The following KAT6A variants were observed in gnomAD, a reference collection of about 807,000 sequenced individuals.
KAT6A encodes the protein histone acetyltransferase KAT6A.
Under a neutral mutation model 198.4 loss-of-function variants are expected in KAT6A, and 9 were observed. The ratio of observed to expected loss-of-function variants is 0.05; its 90% CI spans 0.03 to 0.08. KAT6A has a LOEUF of 0.08. KAT6A is among the 10% of genes least tolerant of loss of function. KAT6A has a pLI of 1.00. For synonymous variants in KAT6A, 890 were observed against 883.0 expected, an observed-to-expected ratio of 1.01 and a Z score of -0.14; for missense variants, 2,077 against 2,509.9, an observed-to-expected ratio of 0.83 and a Z score of 3.69.
chr8:41,999,446 T>TCAC (rs1825377746), intron 2 of KAT6A, among the ~76,000 whole-genome samples: 1 of 152,192 alleles, frequency 6.6e-6, no homozygotes, highest in African/African-American at 2.4e-5. Flanking sequence ...CTCAGTCATG[T>TCAC]CACCATATGC....
At chr8:41,990,470 T>C (rs1223614846) in intron 2 of KAT6A, among the ~76,000 whole-genome samples, 1 of 151,998 alleles carries the variant, frequency 6.6e-6, no homozygotes, top group Non-Finnish European at 1.5e-5. Flanking sequence ...AACCAACAAA[T>C]GGCCCATATC....
chr8:41,944,533 T>C (rs1035064064), intron 12 of KAT6A, among the ~76,000 whole-genome samples: 2 of 152,212 alleles, frequency 1.3e-5, no homozygotes, highest in East Asian at 3.9e-4. Flanking sequence ...TGCACAACTC[T>C]CAAGAACTGA....
In KAT6A at chr8:41,932,647, C is replaced by T. The variant is rs572974007; in HGVS notation, c.5573G>A (p.Arg1858His). The change falls in exon 17 of 17, where the codon CGC becomes CAC. Residue 1858 changes from arginine to histidine, a missense_variant. Around this residue, in one of 13 missense-constraint regions of KAT6A, gnomAD observed 500 missense variants for 577.2 expected, o/e 0.87. Coordinates refer to ENST00000265713, the MANE Select transcript of KAT6A (RefSeq NM_006766.5). Reference protein sequence around the residue: ...QMPVKGHISIRSKSAPLPSAA... With the variant: ...QMPVKGHISIHSKSAPLPSAA... ...AGAGGGCAGTGGCGCAGACTTGGAG[C>T]GGATGGAAATGTGCCCCTTCACTGG... The T allele has an allele frequency of 1.2e-5, 20 of 1,614,052 alleles. No homozygotes were observed. Among genetic ancestry groups the T allele is most frequent in the East Asian group, 2.2e-5 (1 of 44,896 alleles).
At chr8:41,967,189 A>C (rs1823536404) in intron 8 of KAT6A, among the ~76,000 whole-genome samples, 2 of 152,198 alleles carry the variant, frequency 1.3e-5, no homozygotes, top group South Asian at 4.1e-4. Context: ...TTTATGTAAA[A>C]ATCATTCTAT....
At chr8:41,977,858 C>T (rs1394554640) in intron 6 of KAT6A, among the ~76,000 whole-genome samples, 2 of 152,172 alleles carry the variant, frequency 1.3e-5, no homozygotes, top group Admixed American at 1.3e-4. Flanking sequence ...AATATTGGTT[C>T]TGTACATTTC....
At chr8:42,008,103 A>G (rs1357653593) in intron 2 of KAT6A, among the ~76,000 whole-genome samples, 1 of 152,146 alleles carries the variant, frequency 6.6e-6, no homozygotes, top group African/African-American at 2.4e-5. Context: ...CTTTAACTAC[A>G]TAAAACAAAC....
intron 2 of KAT6A, among the ~76,000 whole-genome samples, chr8:42,013,162 A>G (rs1826100781): frequency 1.3e-5 from 2 of 151,994 alleles, no homozygotes; most frequent in African/African-American, 4.8e-5. Flanking sequence ...AAAACTCATA[A>G]AAGTAGACAC....
chr8:41,974,681 C>T (rs1033398353), intron 8 of KAT6A, 23 bp downstream of exon 8: 3 of 1,450,130 alleles, frequency 2.1e-6, no homozygotes, highest in Non-Finnish European at 2.9e-6. Flanking sequence ...GCTTGATTGT[C>T]TAACCTGAAT....
intron 9 of KAT6A, among the ~76,000 whole-genome samples, chr8:41,951,287 T>G (rs1393629541): frequency 1.3e-5 from 2 of 151,968 alleles, no homozygotes; most frequent in Admixed American, 6.6e-5. Flanking sequence ...TTTTAAAAGC[T>G]CCTTACTTTA....
intron 2 of KAT6A, among the ~76,000 whole-genome samples, chr8:41,989,168 G>A (rs1824779335): frequency 6.6e-6 from 1 of 152,110 alleles, no homozygotes; most frequent in South Asian, 2.1e-4. Flanking sequence ...TACACAATCA[G>A]GTTTGGGAAG....
chr8:41,992,533 T>G (rs1824997322), intron 2 of KAT6A, among the ~76,000 whole-genome samples: 2 of 152,198 alleles, frequency 1.3e-5, no homozygotes, highest in Admixed American at 1.3e-4. Flanking sequence ...CTACACCATC[T>G]TTTATAAAAC....
chr8:42,047,021 G>A (rs1802346143), intron 2 of KAT6A, among the ~76,000 whole-genome samples: 1 of 152,016 alleles, frequency 6.6e-6, no homozygotes, highest in Non-Finnish European at 1.5e-5. Flanking sequence ...GTATTCAGTG[G>A]GCTGCTAATA....
chr8:41,949,140 T>C (rs923333283), intron 10 of KAT6A, 82 bp downstream of exon 10: 17 of 881,638 alleles, frequency 1.9e-5, no homozygotes, highest in Admixed American at 1.2e-4. Context: ...AAATAGACAA[T>C]AGAAAGTTGC....
chr8:41,968,326 A>C (rs1250861502), intron 8 of KAT6A, among the ~76,000 whole-genome samples: 1 of 152,236 alleles, frequency 6.6e-6, no homozygotes, highest in East Asian at 1.9e-4. Flanking sequence ...ACATGAACAG[A>C]CACTTCTCAA....
intron 2 of KAT6A, among the ~76,000 whole-genome samples, chr8:42,001,021 A>C (rs1825469487): frequency 6.6e-6 from 1 of 152,168 alleles, no homozygotes; most frequent in Admixed American, 6.6e-5. Context: ...GAAGGAGGGA[A>C]GGAAGGAGGA....
intron 2 of KAT6A, among the ~76,000 whole-genome samples, chr8:42,030,091 G>A (rs1321658286): frequency 1.3e-5 from 2 of 152,128 alleles, no homozygotes; most frequent in South Asian, 4.1e-4. Flanking sequence ...GCAATTGGGC[G>A]CCAGAGAAAG....
Position 42,049,130 on chromosome 8 carries a change from C to T in KAT6A, c.-153G>A. The T allele has an allele frequency of 1.4e-6, 1 of 733,456 alleles. No individual in the cohort carries two copies. The highest frequency in any genetic ancestry group is 1.8e-5 in the South Asian group (1 of 54,482). 45.4% of individuals were successfully genotyped at this position (733,456 alleles called of 1,614,324 possible). Reference sequence around the variant, plus strand: ...CTAAGTCCTTCCTCCTTTCACAAAACAGAATGCCACCCCAATTGTACTATA... The same window carrying T: ...CTAAGTCCTTCCTCCTTTCACAAAATAGAATGCCACCCCAATTGTACTATA... On this transcript the variant is annotated 5_prime_UTR_variant, in exon 2 of 17. Coordinates refer to ENST00000265713, the MANE Select transcript of KAT6A (RefSeq NM_006766.5).
intron 2 of KAT6A, among the ~76,000 whole-genome samples, chr8:42,046,586 T>C (rs779019507): frequency 6.6e-6 from 1 of 152,170 alleles, no homozygotes; most frequent in African/African-American, 2.4e-5. Context: ...TAACATCCAA[T>C]TCACAGGTAT....
intron 8 of KAT6A, among the ~76,000 whole-genome samples, chr8:41,965,546 A>T (rs776022818): frequency 1.1e-4 from 16 of 152,188 alleles, no homozygotes; most frequent in Non-Finnish European, 2.1e-4. Context: ...AACTGGCTTC[A>T]AACCACTTTT....
Sources: allele counts gnomAD v4.1 joint callset (sites outside exome capture counted in the v4.1 genomes callset), GRCh38; gene constraint gnomAD v4.1.1; regional missense constraint gnomAD v4.1.1; transcripts MANE v1.5; gene names NCBI Gene and HGNC (gene_info 2026-07-23, HGNC 2026-07-21).